CNOT3: variants seen among roughly 807,000 people sequenced by gnomAD.
The protein encoded by CNOT3 is CCR4-associated factor 3.
In CNOT3, 2 loss-of-function variants were observed where a neutral mutation model predicts 89.4. That is an observed-to-expected ratio of 0.02 (90% CI 0.01 to 0.07). The LOEUF (loss-of-function observed/expected upper bound fraction) is 0.07, where lower values mean the gene tolerates loss of function less well. Ranked by LOEUF, CNOT3 falls within the 10% of genes least tolerant of loss-of-function variation. The pLI is 1.00. For missense variants in CNOT3, 664 were observed against 1,010.2 expected, an observed-to-expected ratio of 0.66 and a Z score of 4.65; for synonymous variants, 486 against 402.0, an observed-to-expected ratio of 1.21 and a Z score of -2.50.
chr19:54,148,104 G>A lies in CNOT3; in HGVS notation c.895-44G>A, dbSNP rs1472216976. On this transcript the variant is annotated intron_variant, in intron 10 of 17. Coordinates refer to ENST00000221232, the MANE Select transcript of CNOT3 (RefSeq NM_014516.4). This position sits in a 1 kb window ranked among gnomAD's most constrained non-coding sequence, Gnocchi z 6.3. ...GAGGTGGGGGTGGTGAGGGAGACCA[G>A]CTGGCCCACTGGGTCCTGACCCTCT... is the stretch of plus-strand genomic sequence containing the variant. 4 of 1,377,996 alleles carry A rather than the reference G, an allele frequency of 2.9e-6. No individual in the cohort carries two copies. The highest frequency in any genetic ancestry group is 3.8e-6 in the Non-Finnish European group (4 of 1,057,534). The allele number at this position is 1,377,996 out of a possible 1,614,324, so 85.4% of individuals were successfully genotyped here.
chr19:54,151,237 G>T (rs1490653664), intron 13 of CNOT3, among the ~76,000 whole-genome samples: 1 of 152,212 alleles, frequency 6.6e-6, no homozygotes, highest in Non-Finnish European at 1.5e-5. Context: ...GGGTGGTCGG[G>T]AACCATGGCA....
At position 54,144,453 on chromosome 19, in the gene CNOT3, C is replaced by A. The variant is rs775914274; in HGVS notation, c.483+121C>A. 4.1e-6 allele frequency: 3 copies of A among 730,136 alleles called. No homozygotes were observed. The highest frequency in any genetic ancestry group is 4.8e-6 in the Non-Finnish European group (2 of 417,360). The allele number at this position is 730,136 out of a possible 1,614,324, so 45.2% of individuals were successfully genotyped here. A position where few individuals can be genotyped will look rare whatever the true frequency, so the allele number is the denominator to read the frequency against. On this transcript the variant is annotated intron_variant, in intron 7 of 17. Transcript: ENST00000221232. This position sits in a 1 kb window ranked among gnomAD's most constrained non-coding sequence, Gnocchi z 4.8. ...GCCTGGATTCCTCAGGCGGACAGGG[C>A]CAACAGCCGGGATTAGGGATTTGAG...
Position 54,143,528 on chromosome 19 carries a change from G to A in CNOT3, c.168+12G>A. On this transcript the variant is annotated intron_variant, in intron 4 of 17. Transcript: ENST00000221232. ...TTAAGAAGCTACAAGTGAGGGGGCTGGGGGCCTGGACGCCTTTGTCCTGAG... is the reference window on the plus strand; with the variant it reads ...TTAAGAAGCTACAAGTGAGGGGGCTAGGGGCCTGGACGCCTTTGTCCTGAG... 6.2e-7 allele frequency: 1 copy of A among 1,613,566 alleles called. No individual in the cohort carries two copies. The highest frequency in any genetic ancestry group is 1.1e-5 in the South Asian group (1 of 91,068).
At position 54,149,575 on chromosome 19, in the gene CNOT3, G is replaced by T. The variant is rs774088927; in HGVS notation, c.1422G>T (p.Ala474=). 6.3e-7 allele frequency: 1 copy of T among 1,593,360 alleles called. No homozygotes were observed. Residue 474 remains alanine (A), a synonymous_variant, in exon 13 of 18, where the codon GCG becomes GCT. Coordinates refer to ENST00000221232, the MANE Select transcript of CNOT3 (RefSeq NM_014516.4). ...CTCTCTCCAGGAAGGAACCCAGTGC[G>T]GCAGCCCCAACGGGGGCTGGGGGCG... is the stretch of plus-strand genomic sequence containing the variant. ...PPPSTSKEPS[A]AAPTGAGGVA...
At chr19:54,152,192 A>C in intron 13 of CNOT3, 34 bp from the exon 14 acceptor site, 1 of 1,610,788 alleles carries the variant, frequency 6.2e-7, no homozygotes, top group Non-Finnish European at 8.5e-7. Context: ...CTGCAGCCCA[A>C]GTGCTCAGGC....
intron 13 of CNOT3, among the ~76,000 whole-genome samples, chr19:54,150,174 A>T (rs2146697843): frequency 6.6e-6 from 1 of 152,146 alleles, no homozygotes; most frequent in Non-Finnish European, 1.5e-5. Context: ...CCCTTTAGGA[A>T]GCTTCCCTGC....
chr19:54,140,573 G>A (rs1432730142), intron 1 of CNOT3, among the ~76,000 whole-genome samples: 1 of 152,108 alleles, frequency 6.6e-6, no homozygotes, highest in Admixed American at 6.6e-5. Flanking sequence ...CATGATATAG[G>A]GATTTTCTTA....
rs1283292243 is a variant in CNOT3, at chr19:54,137,911, C to T, written c.-133C>T. On this transcript the variant is annotated 5_prime_UTR_variant, in exon 1 of 18. Transcript: ENST00000221232. ...GCCGCTATCGCGATAGCGCCCGGGCCCGGGGCGCGAGAAAAAGGCGGCGGG... is the reference window on the plus strand; with the variant it reads ...GCCGCTATCGCGATAGCGCCCGGGCTCGGGGCGCGAGAAAAAGGCGGCGGG... 6.6e-6 allele frequency: 1 copy of T among 152,122 alleles called. No homozygotes were observed. The highest frequency in any genetic ancestry group is 1.5e-5 in the Non-Finnish European group (1 of 67,990). 9.4% of individuals were successfully genotyped at this position (152,122 alleles called of 1,614,324 possible). A position where few individuals can be genotyped will look rare whatever the true frequency, so the allele number is the denominator to read the frequency against.
chr19:54,138,198 C>T (rs1017198791), intron 1 of CNOT3, among the ~76,000 whole-genome samples: 4 of 151,904 alleles, frequency 2.6e-5, no homozygotes, highest in Non-Finnish European at 5.9e-5. Context: ...CGTTCCTGCG[C>T]CTCTTTCACG....
In CNOT3 at chr19:54,143,022, G is replaced by T; in HGVS notation, c.25+19G>T. ...CTCCAAGGTACTAGACTGACTTCCT[G>T]CTGCACCTGTAGCCACATGCTCCCT... is the stretch of plus-strand genomic sequence containing the variant. On this transcript the variant is annotated intron_variant, in intron 2 of 17. Coordinates refer to ENST00000221232, the MANE Select transcript of CNOT3 (RefSeq NM_014516.4). 6.2e-7 allele frequency: 1 copy of T among 1,614,002 alleles called. No individual in the cohort carries two copies. Among genetic ancestry groups the T allele is most frequent in the Non-Finnish European group, 8.5e-7 (1 of 1,179,940 alleles).
chr19:54,154,598 T>C (rs1233825021), intron 17 of CNOT3: 1 of 156,254 alleles, frequency 6.4e-6, no homozygotes, highest in Non-Finnish European at 1.4e-5. Flanking sequence ...AATACTTCCC[T>C]GATGCCGAGC....
chr19:54,155,093 C>A, intron 17 of CNOT3: 1 of 585,110 alleles, frequency 1.7e-6, no homozygotes, highest in Admixed American at 3.3e-5. Flanking sequence ...GGAACCTCTG[C>A]GGCCCCCTCC....
rs772812210 is a variant in CNOT3 at position 54,152,817 on chromosome 19, A to C, written c.1905-50A>C. 16 of 923,210 alleles carry C rather than the reference A, an allele frequency of 1.7e-5. No homozygotes were observed. The East Asian group carries it at 3.9e-4, about 22-fold the overall frequency. The allele number at this position is 923,210 out of a possible 1,614,324, so 57.2% of individuals were successfully genotyped here. A position where few individuals can be genotyped will look rare whatever the true frequency, so the allele number is the denominator to read the frequency against. On this transcript the variant is annotated intron_variant, in intron 15 of 17. Transcript: ENST00000221232. Reference sequence around the variant, plus strand: ...TGCATGTCTGAGCACCCTTTTGATCACGACAGGACTAGTAGGCAGCTGGCA... The same window carrying C: ...TGCATGTCTGAGCACCCTTTTGATCCCGACAGGACTAGTAGGCAGCTGGCA...
chr19:54,154,145 G>T lies in CNOT3; in HGVS notation c.2163+305G>T, dbSNP rs1245691459. ...GCAGTGCTGGGCACACTCGCCTGGGGTGTGGGATTTTCCCAGTATGTGTCC... is the reference window on the plus strand; with the variant it reads ...GCAGTGCTGGGCACACTCGCCTGGGTTGTGGGATTTTCCCAGTATGTGTCC... On this transcript the variant is annotated intron_variant, in intron 17 of 17. Transcript: ENST00000221232. 7 of 585,166 alleles carry T rather than the reference G, an allele frequency of 1.2e-5. No individual in the cohort carries two copies. In the Admixed American group the frequency reaches 1.5e-4, roughly 13 times the overall value. The allele number at this position is 585,166 out of a possible 1,614,324, so 36.2% of individuals were successfully genotyped here. A position where few individuals can be genotyped will look rare whatever the true frequency, so the allele number is the denominator to read the frequency against.
In CNOT3 at chr19:54,146,612, AGAT is replaced by A; in HGVS notation, c.853_855del (p.Asp285del). The A allele has an allele frequency of 6.5e-7, 1 of 1,541,624 alleles. No individual in the cohort carries two copies. ...CTCCCCTACCTCAGGAAAACTCTGAAGATGATAAGAAGAGGGGACGTTCCACAG... is the reference window on the plus strand; with the variant it reads ...CTCCCCTACCTCAGGAAAACTCTGAAGATAAGAAGAGGGGACGTTCCACAG... On this transcript the variant is annotated inframe_deletion, in exon 10 of 18. Transcript: ENST00000221232.
Position 54,148,057 on chromosome 19 carries a change from T to C in CNOT3, c.895-91T>C. 1 of 1,054,524 alleles carries C rather than the reference T, an allele frequency of 9.5e-7. No homozygotes were observed. The highest frequency in any genetic ancestry group is 1.3e-6 in the Non-Finnish European group (1 of 772,900). 65.3% of individuals were successfully genotyped at this position (1,054,524 alleles called of 1,614,324 possible). On this transcript the variant is annotated intron_variant, in intron 10 of 17. Coordinates refer to ENST00000221232, the MANE Select transcript of CNOT3 (RefSeq NM_014516.4). This position sits in a 1 kb window ranked among gnomAD's most constrained non-coding sequence, Gnocchi z 6.3. ...GGGGCAGCGAGGCCAGAGAGGAGGC[T>C]GCTGGGACAAAGATGGAGCCTGAGG...
In CNOT3 at chr19:54,148,524, A is replaced by G. The variant is rs1257471499; in HGVS notation, c.1271A>G (p.Asn424Ser). ...GCCGGTGGAGGGGCTGGCAAGCAGA[A>G]TGGCGCCACCAGTGAGTGAGGAGGC... ...SSAGGGAGKQ[N>S]GATSYSSVVA... The change falls in exon 11 of 18, where the codon AAT becomes AGT. Residue 424 changes from asparagine to serine, a missense_variant. Asn to Ser is a conservative substitution (Grantham distance 46). Coordinates refer to ENST00000221232, the MANE Select transcript of CNOT3 (RefSeq NM_014516.4). The surrounding 1 kb of genome is among the most constrained non-coding windows in gnomAD (Gnocchi z 6.3). 1 of 1,550,072 alleles carries G rather than the reference A, an allele frequency of 6.5e-7. No homozygotes were observed. The highest frequency in any genetic ancestry group is 8.8e-7 in the Non-Finnish European group (1 of 1,139,690).
intron 16 of CNOT3, 21 bp from the exon 17 acceptor site, chr19:54,153,694 T>A (rs2075270350): frequency 6.2e-7 from 1 of 1,610,560 alleles, no homozygotes; most frequent in African/African-American, 1.3e-5. Context: ...CTGATCCCCC[T>A]CTCCACTGTT....
rs918970552 is a variant in CNOT3 at position 54,142,637 on chromosome 19, T to C, written c.-50-292T>C. 8 of 502,352 alleles carry C rather than the reference T, an allele frequency of 1.6e-5. 1 individual carries two copies. Among genetic ancestry groups the C allele is most frequent in the African/African-American group, 1.2e-4 (6 of 51,902 alleles). 31.1% of individuals were successfully genotyped at this position (502,352 alleles called of 1,614,324 possible). A position where few individuals can be genotyped will look rare whatever the true frequency, so the allele number is the denominator to read the frequency against. On this transcript the variant is annotated intron_variant, in intron 1 of 17. Transcript: ENST00000221232. ...CTGAAAAACCTTTTTGAGTGTATTC[T>C]GGGGAGAAGGTACTCCATGCTCTAG...
Sources: allele counts gnomAD v4.1 joint callset (sites outside exome capture counted in the v4.1 genomes callset), GRCh38; gene constraint gnomAD v4.1.1; non-coding constraint Gnocchi (gnomAD v3.1); transcripts MANE v1.5; gene names NCBI Gene and HGNC (gene_info 2026-07-23, HGNC 2026-07-21).